Variants in RBFOX1 observed in about 807,000 individuals in gnomAD.
The protein encoded by RBFOX1 is RNA binding fox-1 homolog 1.
A neutral mutation model predicts 57.7 loss-of-function variants in RBFOX1; 8 were observed. The ratio of observed to expected loss-of-function variants is 0.14; its 90% confidence interval spans 0.08 to 0.25. The LOEUF is 0.25. RBFOX1 is among the 10% of genes least tolerant of loss of function. The pLI, the probability that RBFOX1 is intolerant of heterozygous loss-of-function variation, is 1.00. For missense variants in RBFOX1, 611 were observed against 548.5 expected, an observed-to-expected ratio of 1.11 and a Z score of -1.14; for synonymous variants, 326 against 222.4, an observed-to-expected ratio of 1.47 and a Z score of -4.15.
chr16:6,139,990 G>A (rs1378238188), intron 1 of RBFOX1, among the ~76,000 whole-genome samples: 1 of 152,080 alleles, frequency 6.6e-6, no homozygotes, highest in East Asian at 1.9e-4. Context: ...AGATTCAGCT[G>A]GAAAAAATAC....
chr16:5,502,077 G>A (rs757051041), intron 2 of RBFOX1, among the ~76,000 whole-genome samples: 4 of 151,930 alleles, frequency 2.6e-5, no homozygotes, highest in Admixed American at 6.6e-5. Flanking sequence ...GAGGAGACAG[G>A]TAAGCAGCTA....
intron 1 of RBFOX1, among the ~76,000 whole-genome samples, chr16:6,130,347 G>A (rs114212237): frequency 6.6e-6 from 1 of 152,012 alleles, no homozygotes; most frequent in African/African-American, 2.4e-5. Context: ...ATTCTGATAA[G>A]TTATGGATAC....
At chr16:6,737,742 G>A (rs1260314971) in intron 3 of RBFOX1, among the ~76,000 whole-genome samples, 1 of 152,070 alleles carries the variant, frequency 6.6e-6, no homozygotes, top group Non-Finnish European at 1.5e-5. Flanking sequence ...AATGATATAT[G>A]GGATTTAAAT....
intron 3 of RBFOX1, among the ~76,000 whole-genome samples, chr16:6,987,144 C>G (rs558081558): frequency 6.6e-6 from 1 of 152,176 alleles, no homozygotes; most frequent in South Asian, 2.1e-4. Flanking sequence ...ATAATGGGAG[C>G]TCAGTCAGAG....
rs551685861 is a variant in RBFOX1, at chr16:7,147,154, T to A, written c.27+95056T>A. ...GCCACCATGACTGGCTAATTTTTTT[T>A]TTTATTTATTTTTTATTTTTTTGTA... On this transcript the variant is annotated intron_variant, in intron 4 of 15. Transcript: ENST00000550418. Among the ~76,000 whole-genome samples, 971 of 142,390 alleles carry A rather than the reference T, an allele frequency of 6.8e-3. 8 individuals carry two copies. Among genetic ancestry groups the A allele is most frequent in the African/African-American group, 0.018 (693 of 38,010 alleles). The allele number at this position is 142,390 out of a possible 152,430, so 93.4% of individuals were successfully genotyped here.
intron 3 of RBFOX1, among the ~76,000 whole-genome samples, chr16:6,878,836 T>A (rs1318390558): frequency 2.6e-5 from 4 of 151,420 alleles, no homozygotes; most frequent in Non-Finnish European, 5.9e-5. Flanking sequence ...GAAAAACCTA[T>A]TTGAAGTTTT....
At chr16:7,561,381 A>G (rs2090327834) in intron 5 of RBFOX1, among the ~76,000 whole-genome samples, 1 of 152,204 alleles carries the variant, frequency 6.6e-6, no homozygotes, top group African/African-American at 2.4e-5. Flanking sequence ...TAGAAAGGAG[A>G]TGCAGGCATT....
intron 3 of RBFOX1, among the ~76,000 whole-genome samples, chr16:5,692,165 C>CTTTT (rs1390205902): frequency 4.4e-5 from 1 of 22,902 alleles, no homozygotes; most frequent in African/African-American, 5.4e-5. Context: ...TAGGGACTGA[C>CTTTT]TGTGTGTGTG....
chr16:6,485,684 A>C (rs1444962000), intron 2 of RBFOX1, among the ~76,000 whole-genome samples: 2 of 152,166 alleles, frequency 1.3e-5, no homozygotes, highest in Non-Finnish European at 2.9e-5. Context: ...CTCTTTGAAA[A>C]CACTTTTACT....
In RBFOX1 at chr16:5,497,638, A is replaced by AAAAAAAAAAAAAAAAAAAAAAAAAAAT. The variant is rs71142625; in HGVS notation, c.258+30384_258+30385insAAAAAAAAAAAAAAAAAAAAAAAAAAT. 5.7e-5 allele frequency among the ~76,000 whole-genome samples: 8 copies of AAAAAAAAAAAAAAAAAAAAAAAAAAAT among 139,446 alleles called. 1 individual carries two copies. The highest frequency in any genetic ancestry group is 8.9e-5 in the African/African-American group (3 of 33,756). The allele number at this position is 139,446 out of a possible 152,430, so 91.5% of individuals were successfully genotyped here. A position where few individuals can be genotyped will look rare whatever the true frequency, so the allele number is the denominator to read the frequency against. ...CTAAAAATACAAAAAAAAAAAAAAA[A>AAAAAAAAAAAAAAAAAAAAAAAAAAAT]GCTGGGCATGGTGGCACACACTCCC... On this transcript the variant is annotated intron_variant, in intron 2 of 2. Coordinates refer to the RBFOX1 transcript ENST00000585867.
At chr16:7,414,797 T>C (rs1327340874) in intron 4 of RBFOX1, among the ~76,000 whole-genome samples, 1 of 152,116 alleles carries the variant, frequency 6.6e-6, no homozygotes, top group African/African-American at 2.4e-5. Flanking sequence ...TTTGTATGTT[T>C]AGTAGAGATG....
intron 10 of RBFOX1, among the ~76,000 whole-genome samples, chr16:7,610,270 C>T (rs2057221624): frequency 1.3e-5 from 2 of 151,848 alleles, no homozygotes; most frequent in Non-Finnish European, 2.9e-5. Context: ...CAGGCGTCCA[C>T]CACCATGCCC....
chr16:7,507,720 C>A (rs2073834428), intron 4 of RBFOX1, among the ~76,000 whole-genome samples: 2 of 151,728 alleles, frequency 1.3e-5, no homozygotes, highest in Admixed American at 1.3e-4. Flanking sequence ...CCCACCACCA[C>A]GCCTGGCTAA....
intron 2 of RBFOX1, among the ~76,000 whole-genome samples, chr16:6,396,806 G>A (rs1344526052): frequency 6.6e-6 from 1 of 152,082 alleles, no homozygotes; most frequent in Non-Finnish European, 1.5e-5. Context: ...TAAAAAAAAT[G>A]TTGGAATTAA....
chr16:7,245,202 C>G (rs1049166867), intron 4 of RBFOX1, among the ~76,000 whole-genome samples: 8 of 152,118 alleles, frequency 5.3e-5, no homozygotes, highest in Non-Finnish European at 8.8e-5. Context: ...TAATAAATAT[C>G]TTATATTTCA....
rs549809614 is a variant in RBFOX1 at position 6,445,993 on chromosome 16, C to A, written c.-64+128936C>A. ...TTTTTTTATTTTTTAGGGATAGGGT[C>A]TCTGTTTGTCATTCAGACTGGAGCG... On this transcript the variant is annotated intron_variant, in intron 2 of 15. Coordinates refer to ENST00000550418, the MANE Select transcript of RBFOX1 (RefSeq NM_018723.4). Among the ~76,000 whole-genome samples the A allele has an allele frequency of 1.2e-3, 183 of 151,624 alleles. 2 individuals carry two copies. Among genetic ancestry groups the A allele is most frequent in the African/African-American group, 4.1e-3 (168 of 41,328 alleles).
chr16:7,202,719 C>A (rs2088900779), intron 4 of RBFOX1, among the ~76,000 whole-genome samples: 1 of 152,274 alleles, frequency 6.6e-6, no homozygotes, highest in East Asian at 1.9e-4. Context: ...TGTGAGGGAT[C>A]TAGGTTGTGC....
chr16:7,677,436 ACAC>A (rs2073675362), intron 14 of RBFOX1, among the ~76,000 whole-genome samples: 1 of 152,184 alleles, frequency 6.6e-6, no homozygotes, highest in South Asian at 2.1e-4. Flanking sequence ...TTTGTAATGT[ACAC>A]CACATGTTAA....
rs745513201 is a variant in RBFOX1 at position 7,607,316 on chromosome 16, C to T, written c.654C>T (p.Val218=). Residue 218 remains valine (V), a synonymous_variant, in exon 10 of 16, where the codon GTC becomes GTT. Coordinates refer to ENST00000550418, the MANE Select transcript of RBFOX1 (RefSeq NM_018723.4). ...AATTGAATCCAGTTGTGGGTGCAGT[C>T]TACAGTCCCGAATTCTATGCAGGTA... ...GWKLNPVVGA[V]YSPEFYAGTV... is the part of the protein sequence containing the mutation. 1 of 1,611,032 alleles carries T rather than the reference C, an allele frequency of 6.2e-7. No individual in the cohort carries two copies. Among genetic ancestry groups the T allele is most frequent in the South Asian group, 1.1e-5 (1 of 89,942 alleles).
Sources: gnomAD v4.1 joint callset for allele counts (sites outside exome capture counted in the v4.1 genomes callset) on GRCh38, gnomAD v4.1.1 for gene constraint, MANE v1.5 for transcripts, NCBI Gene and HGNC (gene_info 2026-07-23, HGNC 2026-07-21) for gene names.